Variants in CACNA2D3 observed in about 807,000 individuals in gnomAD.
The protein encoded by CACNA2D3 is calcium voltage-gated channel auxiliary subunit alpha2delta 3.
Under a neutral mutation model 160.6 loss-of-function variants are expected in CACNA2D3, and 60 were observed. That is an observed-to-expected ratio of 0.37 (90% CI 0.30 to 0.46). The LOEUF (loss-of-function observed/expected upper bound fraction) is 0.46, where lower values mean the gene tolerates loss of function less well. Ranked by LOEUF, CACNA2D3 falls within the 20% of genes least tolerant of loss-of-function variation. The pLI is 1.00. For missense variants in CACNA2D3, 1,205 were observed against 1,365.0 expected (o/e 0.88, Z 1.85); for synonymous variants, 558 against 492.9 (o/e 1.13, Z -1.75).
intron 27 of CACNA2D3, among the ~76,000 whole-genome samples, chr3:54,912,351 A>C (rs1700575556): frequency 6.6e-6 from 1 of 152,150 alleles, no homozygotes; most frequent in Admixed American, 6.5e-5. Flanking sequence ...GGAGGCAAGA[A>C]TCATTGAGAG....
chr3:54,317,695 A>G (rs1331966372), intron 2 of CACNA2D3, among the ~76,000 whole-genome samples: 1 of 151,978 alleles, frequency 6.6e-6, no homozygotes. Context: ...CCACCACCAT[A>G]ACTGACTAAT....
chr3:54,580,096 A>G (rs1702649562), intron 8 of CACNA2D3, among the ~76,000 whole-genome samples: 1 of 151,298 alleles, frequency 6.6e-6, no homozygotes, highest in Non-Finnish European at 1.5e-5. Context: ...ACCACCCCTC[A>G]CTTACTCTCT....
At chr3:55,034,645 C>CA (rs1350769431) in intron 35 of CACNA2D3, among the ~76,000 whole-genome samples, 1 of 151,330 alleles carries the variant, frequency 6.6e-6, no homozygotes, top group East Asian at 1.9e-4. Context: ...GGTTTTTTTT[C>CA]AAAAATAGAA....
chr3:54,496,059 G>A (rs903213643), intron 4 of CACNA2D3, among the ~76,000 whole-genome samples: 1 of 152,140 alleles, frequency 6.6e-6, no homozygotes, highest in African/African-American at 2.4e-5. Flanking sequence ...AACTGTTAAT[G>A]GATATTTAGG....
intron 27 of CACNA2D3, among the ~76,000 whole-genome samples, chr3:54,940,050 G>A (rs1256953873): frequency 6.6e-6 from 1 of 152,136 alleles, no homozygotes; most frequent in African/African-American, 2.4e-5. Context: ...GGAGAAGGTG[G>A]AGCTGACCTT....
intron 29 of CACNA2D3, 141 bp downstream of exon 29, chr3:54,969,985 G>T: frequency 6.9e-6 from 4 of 582,542 alleles, no homozygotes; most frequent in South Asian, 5.8e-5. Flanking sequence ...AAAATCATTT[G>T]CTTTATTTGC....
chr3:54,210,744 A>G (rs1701357688), intron 2 of CACNA2D3, among the ~76,000 whole-genome samples: 1 of 152,070 alleles, frequency 6.6e-6, no homozygotes, highest in Admixed American at 6.6e-5. Context: ...TCTGTTGTTC[A>G]TTGTTCCCCT....
At chr3:54,344,529 G>A (rs774095019) in intron 3 of CACNA2D3, among the ~76,000 whole-genome samples, 9 of 152,160 alleles carry the variant, frequency 5.9e-5, no homozygotes, top group Non-Finnish European at 1.2e-4. Flanking sequence ...TGCCTCATAT[G>A]CCATCTAACC....
chr3:55,018,159 C>A, intron 34 of CACNA2D3, 47 bp from the exon 35 acceptor site: 1 of 1,222,964 alleles, frequency 8.2e-7, no homozygotes, highest in Non-Finnish European at 1.2e-6. Context: ...CAATTTTGAG[C>A]CTGTGCCTTG....
chr3:55,032,516 C>T (rs182489685), intron 35 of CACNA2D3, among the ~76,000 whole-genome samples: 1 of 152,118 alleles, frequency 6.6e-6, no homozygotes, highest in African/African-American at 2.4e-5. Context: ...TCTTAGTCTT[C>T]CTCCCCCATT....
intron 2 of CACNA2D3, among the ~76,000 whole-genome samples, chr3:54,171,136 CTTTTTTTT>C (rs57761171): frequency 8.0e-5 from 5 of 62,542 alleles, no homozygotes; most frequent in Admixed American, 2.4e-4. Context: ...AAGATGATGA[CTTTTTTTT>C]TTTTTTTTTT....
intron 2 of CACNA2D3, among the ~76,000 whole-genome samples, chr3:54,136,788 T>G (rs1424473169): frequency 6.6e-6 from 1 of 152,190 alleles, no homozygotes; most frequent in Non-Finnish European, 1.5e-5. Context: ...TAAGATGCAT[T>G]ATTTCAGGAG....
At chr3:54,161,606 A>G (rs1015260286) in intron 2 of CACNA2D3, among the ~76,000 whole-genome samples, 1 of 152,234 alleles carries the variant, frequency 6.6e-6, no homozygotes, top group Non-Finnish European at 1.5e-5. Context: ...TAAGCCAAGG[A>G]CCTTAAAAAG....
chr3:54,445,421 C>T (rs1700205731), intron 4 of CACNA2D3, among the ~76,000 whole-genome samples: 1 of 152,118 alleles, frequency 6.6e-6, no homozygotes, highest in Admixed American at 6.5e-5. Flanking sequence ...TCTTAGGAAA[C>T]CATTTCTGAG....
At chr3:54,858,331 A>G (rs375813081) in intron 17 of CACNA2D3, among the ~76,000 whole-genome samples, 43 of 152,080 alleles carry the variant, frequency 2.8e-4, no homozygotes, top group African/African-American at 7.7e-4. Context: ...TAATTGATCA[A>G]TTGCTTTTCT....
At chr3:54,887,855 C>A in intron 23 of CACNA2D3, 104 bp from the exon 24 acceptor site, 1 of 826,670 alleles carries the variant, frequency 1.2e-6, no homozygotes, top group Non-Finnish European at 2.1e-6. Flanking sequence ...CAACATGCCG[C>A]ATGAGAAAGT....
chr3:54,568,686 G>A (rs1702447305), intron 6 of CACNA2D3, among the ~76,000 whole-genome samples: 1 of 152,154 alleles, frequency 6.6e-6, no homozygotes, highest in African/African-American at 2.4e-5. Flanking sequence ...CCTCCAATTT[G>A]GCAGTAGCTT....
chr3:54,639,741 C>A, intron 10 of CACNA2D3: 2 of 161,320 alleles, frequency 1.2e-5, no homozygotes, highest in Non-Finnish European at 2.7e-5. Flanking sequence ...ATCCGAGTCA[C>A]GGCACCAAAT....
intron 11 of CACNA2D3, among the ~76,000 whole-genome samples, chr3:54,687,121 CTTTTTTTTTTTTTGTT>C (rs1242920942): frequency 2.7e-4 from 26 of 94,976 alleles, no homozygotes; most frequent in East Asian, 1.4e-3. Flanking sequence ...TTTTCTTTTT[CTTTTTTTTTTTTTGTT>C]TTTTTTTTTT....
Sources: allele counts gnomAD v4.1 joint callset (sites outside exome capture counted in the v4.1 genomes callset), GRCh38; gene constraint gnomAD v4.1.1; transcripts MANE v1.5; gene names NCBI Gene and HGNC (gene_info 2026-07-23, HGNC 2026-07-21).